Variants in TAOK1 observed in about 807,000 individuals in gnomAD.
The protein encoded by TAOK1 is serine/threonine-protein kinase TAO1.
Under a neutral mutation model 138.3 loss-of-function variants are expected in TAOK1, and 21 were observed. The observed-to-expected ratio is 0.15, with a 90% CI of 0.11 to 0.22. TAOK1 has a LOEUF of 0.22. TAOK1 is among the 10% of genes least tolerant of loss of function. The probability of loss-of-function intolerance (pLI) is 1.00; values close to 1 mark genes in which losing one functional copy is unlikely to be tolerated. For synonymous variants in TAOK1, 361 were observed against 398.4 expected, an observed-to-expected ratio of 0.91 and a Z score of 1.12; for missense variants, 651 against 1,227.7, an observed-to-expected ratio of 0.53 and a Z score of 7.02.
chr17:29,451,829 C>A, intron 2 of TAOK1, 149 bp downstream of exon 2: 3 of 777,050 alleles, frequency 3.9e-6, no homozygotes, highest in Non-Finnish European at 5.8e-6. Flanking sequence ...AGAGCGAGAG[C>A]GTGGGTGAGT....
chr17:29,517,581 A>G lies in TAOK1; in HGVS notation c.1833A>G (p.Leu611=). ...ANLLRRQRQY[L]ELECRRFKRR... is the part of the protein sequence containing the mutation. The stretch of plus-strand genomic sequence containing the variant: ...TTCTTCGACGTCAAAGACAATACCT[A>G]GAGCTGGAATGCCGTCGCTTCAAGA... The change falls in exon 16 of 20, where the codon CTA becomes CTG. Residue 611 remains leucine, a synonymous_variant. Coordinates refer to ENST00000261716, the MANE Select transcript of TAOK1 (RefSeq NM_020791.4). 1 of 1,614,034 alleles carries G rather than the reference A, an allele frequency of 6.2e-7. No individual in the cohort carries two copies. Among genetic ancestry groups the G allele is most frequent in the Non-Finnish European group, 8.5e-7 (1 of 1,180,028 alleles).
chr17:29,457,053 C>T (rs138461277), intron 2 of TAOK1, among the ~76,000 whole-genome samples: 58 of 141,820 alleles, frequency 4.1e-4, no homozygotes, highest in East Asian at 2.3e-3. Context: ...ATTTCTGTAA[C>T]GTTCTCCCAT....
chr17:29,470,987 T>G (rs1190040186), intron 3 of TAOK1, among the ~76,000 whole-genome samples: 1 of 152,060 alleles, frequency 6.6e-6, no homozygotes, highest in East Asian at 1.9e-4. Context: ...TAGCCAGGCA[T>G]GGTTGCAGGT....
At chr17:29,391,272 GAGGA>G (rs1414177342) in intron 1 of TAOK1, among the ~76,000 whole-genome samples, 1 of 152,098 alleles carries the variant, frequency 6.6e-6, no homozygotes, top group East Asian at 1.9e-4. Flanking sequence ...GGGATGTTTC[GAGGA>G]AGGTGTGGCC....
At position 29,543,470 on chromosome 17, in the gene TAOK1, A is replaced by G. The variant is rs1199703993; in HGVS notation, c.*448A>G. 6.5e-6 allele frequency: 1 copy of G among 153,730 alleles called. No homozygotes were observed. Among genetic ancestry groups the G allele is most frequent in the Non-Finnish European group, 1.5e-5 (1 of 68,746 alleles). The allele number at this position is 153,730 out of a possible 1,614,324, so 9.5% of individuals were successfully genotyped here. A position where few individuals can be genotyped will look rare whatever the true frequency, so the allele number is the denominator to read the frequency against. On this transcript the variant is annotated 3_prime_UTR_variant, in exon 20 of 20. Coordinates refer to ENST00000261716, the MANE Select transcript of TAOK1 (RefSeq NM_020791.4). ...TTTTTATCCCATATCCCAAATTCTT[A>G]TGAGCCACTCACAGCAGGCAGCATA... is the stretch of plus-strand genomic sequence containing the variant.
At chr17:29,500,242 A>T (rs2031499524) in intron 12 of TAOK1, among the ~76,000 whole-genome samples, 1 of 152,128 alleles carries the variant, frequency 6.6e-6, no homozygotes, top group African/African-American at 2.4e-5. Context: ...TGAACCCAGG[A>T]GGTAGAGGTT....
chr17:29,516,933 C>T (rs1438846904), intron 15 of TAOK1, among the ~76,000 whole-genome samples: 2 of 152,068 alleles, frequency 1.3e-5, no homozygotes, highest in Non-Finnish European at 2.9e-5. Flanking sequence ...AGCAATTCTC[C>T]TGCCTCAGCC....
chr17:29,551,456 G>A lies in TAOK1; in HGVS notation c.*8434G>A, dbSNP rs1030804559. Reference sequence around the variant, plus strand: ...ACTGATACTTTTTTGAGAGAGTATCGTGTCGAAAGTGTGATGTTCTACCAC... The same window carrying A: ...ACTGATACTTTTTTGAGAGAGTATCATGTCGAAAGTGTGATGTTCTACCAC... On this transcript the variant is annotated 3_prime_UTR_variant, in exon 20 of 20. Transcript: ENST00000261716. The A allele has an allele frequency of 4.6e-5, 7 of 152,150 alleles. No individual in the cohort carries two copies. The highest frequency in any genetic ancestry group is 8.8e-5 in the Non-Finnish European group (6 of 68,022). 9.4% of individuals were successfully genotyped at this position (152,150 alleles called of 1,614,324 possible).
At position 29,474,401 on chromosome 17, in the gene TAOK1, C is replaced by A. The variant is rs141159869; in HGVS notation, c.205-1269C>A. ...AAGCCTGTCTCAGCTTTTGACATGC[C>A]TTTCTCACTAAGCTTAATCACTTGT... On this transcript the variant is annotated intron_variant, in intron 3 of 19. Transcript: ENST00000261716. Among the ~76,000 whole-genome samples, 65 of 152,268 alleles carry A rather than the reference C, an allele frequency of 4.3e-4. 1 individual carries two copies. The highest frequency in any genetic ancestry group is 3.4e-3 in the Middle Eastern group (1 of 294).
intron 1 of TAOK1, among the ~76,000 whole-genome samples, chr17:29,418,754 C>T (rs1451373420): frequency 2.1e-4 from 32 of 152,072 alleles, no homozygotes; most frequent in Admixed American, 2.1e-3. Flanking sequence ...TCAAGTTTTG[C>T]TTTTTGGAAC....
At chr17:29,504,639 C>T (rs2031599093) in intron 13 of TAOK1, among the ~76,000 whole-genome samples, 1 of 151,980 alleles carries the variant, frequency 6.6e-6, no homozygotes, top group Admixed American at 6.6e-5. Flanking sequence ...TATTGCACTC[C>T]AGCCTGGGCG....
intron 8 of TAOK1, among the ~76,000 whole-genome samples, chr17:29,486,066 G>A (rs1454944641): frequency 6.6e-6 from 1 of 152,182 alleles, no homozygotes; most frequent in Non-Finnish European, 1.5e-5. Context: ...TGGGAAGATC[G>A]CTTGAGCCCA....
intron 2 of TAOK1, among the ~76,000 whole-genome samples, chr17:29,463,688 C>G (rs992467140): frequency 7.2e-5 from 11 of 152,030 alleles, no homozygotes; most frequent in Non-Finnish European, 1.2e-4. Flanking sequence ...TTTGGCAAAG[C>G]CTTCTTAGAT....
intron 17 of TAOK1, among the ~76,000 whole-genome samples, chr17:29,523,125 T>G (rs2031949010): frequency 6.6e-6 from 1 of 151,892 alleles, no homozygotes; most frequent in Non-Finnish European, 1.5e-5. Context: ...CAATATTATA[T>G]TCTACATGTC....
chr17:29,508,658 G>T lies in TAOK1; in HGVS notation c.1575+526G>T, dbSNP rs372531955. On this transcript the variant is annotated intron_variant, in intron 14 of 19. Transcript: ENST00000261716. ...TTTATTCTCTTTTTTGTATTTTTTG[G>T]AAACTACCCTTGAATTTCTGGCAGC... Among the ~76,000 whole-genome samples the T allele has an allele frequency of 3.3e-5, 5 of 151,926 alleles. 1 individual carries two copies. Among genetic ancestry groups the T allele is most frequent in the Admixed American group, 2.6e-4 (4 of 15,242 alleles).
intron 1 of TAOK1, among the ~76,000 whole-genome samples, chr17:29,397,065 C>T (rs150395218): frequency 0.018 from 2,418 of 138,042 alleles, 72 homozygotes; most frequent in African/African-American, 0.063. Flanking sequence ...GAGGCTGAGG[C>T]GGGTGGATCA....
intron 1 of TAOK1, among the ~76,000 whole-genome samples, chr17:29,420,497 C>T (rs1454608776): frequency 6.6e-6 from 1 of 151,080 alleles, no homozygotes; most frequent in Non-Finnish European, 1.5e-5. Context: ...TTTCTTCTTG[C>T]CTTGTTGCAC....
chr17:29,485,772 T>C (rs1257540131), intron 8 of TAOK1, among the ~76,000 whole-genome samples: 1 of 152,248 alleles, frequency 6.6e-6, no homozygotes, highest in Non-Finnish European at 1.5e-5. Flanking sequence ...TACTCTTCTG[T>C]ATAAGTATAT....
chr17:29,421,487 G>A (rs140013013), intron 1 of TAOK1, among the ~76,000 whole-genome samples: 1,637 of 152,242 alleles, frequency 0.011, 36 homozygotes, highest in African/African-American at 0.037. Context: ...TGTAGAACTG[G>A]TATTATTTTT....
Sources: gnomAD v4.1 joint callset for allele counts (sites outside exome capture counted in the v4.1 genomes callset) on GRCh38, gnomAD v4.1.1 for gene constraint, MANE v1.5 for transcripts, NCBI Gene and HGNC (gene_info 2026-07-23, HGNC 2026-07-21) for gene names.